BRINP1: variants seen among roughly 807,000 people sequenced by gnomAD.
BRINP1 encodes BMP/retinoic acid-inducible neural-specific protein 1.
In BRINP1, 17 loss-of-function variants were observed where a neutral mutation model predicts 72.9. That is an observed-to-expected ratio of 0.23 (90% CI 0.16 to 0.35). The LOEUF (loss-of-function observed/expected upper bound fraction) is 0.35, where lower values mean the gene tolerates loss of function less well. Among genes scored for constraint, BRINP1 ranks in the 10% least tolerant of loss-of-function variants. The pLI is 1.00. For missense variants in BRINP1, 850 were observed against 1,001.6 expected, an observed-to-expected ratio of 0.85 and a Z score of 2.04; for synonymous variants, 418 against 378.5, an observed-to-expected ratio of 1.10 and a Z score of -1.21.
intron 7 of BRINP1, among the ~76,000 whole-genome samples, chr9:119,178,109 GATGAAATGGA>G (rs1829509490): frequency 6.6e-6 from 1 of 152,188 alleles, no homozygotes; most frequent in Admixed American, 6.5e-5. Context: ...GGACAGGGAG[GATGAAATGGA>G]ATGAAATTAG....
intron 2 of BRINP1, among the ~76,000 whole-genome samples, chr9:119,304,684 A>G (rs1447593543): frequency 6.6e-6 from 1 of 152,198 alleles, no homozygotes; most frequent in Non-Finnish European, 1.5e-5. Flanking sequence ...ATGGAATTGG[A>G]GTCTGTAAGC....
chr9:119,276,216 A>G (rs1332447), intron 2 of BRINP1, among the ~76,000 whole-genome samples: 40,414 of 152,030 alleles, frequency 0.27, 5,542 homozygotes, highest in African/African-American at 0.28. Context: ...AAGGCCCATA[A>G]GTATATATCA....
Position 119,362,209 on chromosome 9 carries a change from T to C in BRINP1, c.-51+6847A>G, listed in dbSNP as rs536884186. ...TTTACAGAAGGCAAGCCTGGAGAGA[T>C]AAAGATAGGTTCTTGAGGGGGTCTA... On this transcript the variant is annotated intron_variant, in intron 1 of 7. Transcript: ENST00000265922. Among the ~76,000 whole-genome samples, 113 of 152,194 alleles carry C rather than the reference T, an allele frequency of 7.4e-4. No individual in the cohort carries two copies. In the South Asian group the frequency reaches 0.015, roughly 20 times the overall value.
At chr9:119,323,648 G>T (rs1001116610) in intron 1 of BRINP1, among the ~76,000 whole-genome samples, 3 of 152,298 alleles carry the variant, frequency 2.0e-5, no homozygotes, top group African/African-American at 7.2e-5. Flanking sequence ...AGTAAGAAAA[G>T]GTTAGCATTA....
intron 5 of BRINP1, among the ~76,000 whole-genome samples, chr9:119,221,402 G>A (rs1260594340): frequency 1.3e-5 from 2 of 152,164 alleles, no homozygotes; most frequent in African/African-American, 4.8e-5. Flanking sequence ...ATGAAGGCAT[G>A]CAGGTCAATT....
At position 119,193,005 on chromosome 9, in the gene BRINP1, C is replaced by A. The variant is rs1029201497; in HGVS notation, c.1145+15714G>T. On this transcript the variant is annotated intron_variant, in intron 7 of 7. Transcript: ENST00000265922. ...GTATTTGCATAACCTACACACATAA[C>A]CTACCCATGTCTTACTGTATACTTT... 4.6e-5 allele frequency among the ~76,000 whole-genome samples: 7 copies of A among 152,090 alleles called. 1 individual carries two copies. The highest frequency in any genetic ancestry group is 4.1e-4 in the South Asian group (2 of 4,832).
intron 1 of BRINP1, among the ~76,000 whole-genome samples, chr9:119,361,419 G>A (rs1325078477): frequency 6.6e-6 from 1 of 152,126 alleles, no homozygotes; most frequent in Non-Finnish European, 1.5e-5. Context: ...GATATCAGGA[G>A]TTGCCACCAT....
At chr9:119,348,528 C>T (rs144699063) in intron 1 of BRINP1, among the ~76,000 whole-genome samples, 2 of 152,294 alleles carry the variant, frequency 1.3e-5, no homozygotes, top group East Asian at 1.9e-4. Flanking sequence ...TTGTAGCTGT[C>T]GCTGTACCAT....
chr9:119,212,292 C>A (rs1829937080), intron 6 of BRINP1, among the ~76,000 whole-genome samples: 1 of 151,328 alleles, frequency 6.6e-6, no homozygotes, highest in African/African-American at 2.5e-5. Flanking sequence ...AAATGCTATT[C>A]CATAGAACTC....
chr9:119,271,086 A>C (rs983004140), intron 2 of BRINP1, among the ~76,000 whole-genome samples: 161 of 152,314 alleles, frequency 1.1e-3, no homozygotes, highest in Non-Finnish European at 1.9e-3. Context: ...TAGGTATTTC[A>C]CTAAAAGCTT....
chr9:119,170,041 C>T (rs1439563029), intron 7 of BRINP1, among the ~76,000 whole-genome samples: 1 of 152,162 alleles, frequency 6.6e-6, no homozygotes, highest in Non-Finnish European at 1.5e-5. Flanking sequence ...AAAAACAGAA[C>T]AGAAAAACCG....
intron 1 of BRINP1, among the ~76,000 whole-genome samples, chr9:119,339,203 T>C (rs1831384083): frequency 6.6e-6 from 1 of 152,206 alleles, no homozygotes; most frequent in Non-Finnish European, 1.5e-5. Context: ...TCTATCACTG[T>C]AGCCAGAAAG....
At chr9:119,238,606 T>C in intron 5 of BRINP1, 49 bp downstream of exon 5, 3 of 1,129,736 alleles carry the variant, frequency 2.7e-6, no homozygotes, top group Non-Finnish European at 4.0e-6. Context: ...ACATATCACA[T>C]CCATGATGTT....
chr9:119,338,907 AAAC>A (rs1272247153), intron 1 of BRINP1, among the ~76,000 whole-genome samples: 2 of 151,682 alleles, frequency 1.3e-5, no homozygotes, highest in African/African-American at 4.8e-5. Context: ...AAACAAAAAA[AAAC>A]AACAACAAAA....
At chr9:119,189,257 G>T (rs192449765) in intron 7 of BRINP1, among the ~76,000 whole-genome samples, 4 of 151,694 alleles carry the variant, frequency 2.6e-5, no homozygotes, top group Admixed American at 1.3e-4. Flanking sequence ...AAACAAGGAA[G>T]AAAGGAAAAA....
intron 2 of BRINP1, among the ~76,000 whole-genome samples, chr9:119,260,884 TAAG>T (rs915386625): frequency 2.0e-5 from 3 of 152,292 alleles, no homozygotes; most frequent in African/African-American, 7.2e-5. Context: ...CAAAGCATCA[TAAG>T]AAGAAGGAAG....
At chr9:119,171,827 C>T (rs1330676198) in intron 7 of BRINP1, among the ~76,000 whole-genome samples, 1 of 117,760 alleles carries the variant, frequency 8.5e-6, no homozygotes, top group Non-Finnish European at 1.7e-5. Context: ...GATTAAGAAT[C>T]TCACTCAAAA....
At chr9:119,172,893 T>C (rs1477520196) in intron 7 of BRINP1, among the ~76,000 whole-genome samples, 2 of 149,622 alleles carry the variant, frequency 1.3e-5, no homozygotes, top group Admixed American at 1.3e-4. Context: ...CATGATTATC[T>C]CCATAGATGC....
At chr9:119,247,352 G>T (rs948333331) in intron 3 of BRINP1, among the ~76,000 whole-genome samples, 1 of 151,896 alleles carries the variant, frequency 6.6e-6, no homozygotes, top group Admixed American at 6.6e-5. Context: ...GAAGTGAGTT[G>T]GTTAAAGAGA....
Sources: allele counts gnomAD v4.1 joint callset (sites outside exome capture counted in the v4.1 genomes callset), GRCh38; gene constraint gnomAD v4.1.1; transcripts MANE v1.5; gene names NCBI Gene and HGNC (gene_info 2026-07-23, HGNC 2026-07-21).